The following SLC35F2 variants were observed in gnomAD, a reference collection of about 807,000 sequenced individuals.
The protein encoded by SLC35F2 is solute carrier family 35 member F2.
A neutral mutation model predicts 38.1 loss-of-function variants in SLC35F2; 25 were observed. The observed-to-expected ratio is 0.66, with a 90% CI of 0.48 to 0.92. The LOEUF (loss-of-function observed/expected upper bound fraction) is 0.92, where lower values mean the gene tolerates loss of function less well. Ranked by LOEUF, SLC35F2 falls within the 40% of genes least tolerant of loss-of-function variation. The probability of loss-of-function intolerance (pLI) is 0.00; values close to 1 mark genes in which losing one functional copy is unlikely to be tolerated. For missense variants in SLC35F2, 409 were observed against 452.9 expected (o/e 0.90, Z 0.88); for synonymous variants, 173 against 181.7 (o/e 0.95, Z 0.38).
At chr11:107,817,694 C>A (rs913428571) in intron 1 of SLC35F2, among the ~76,000 whole-genome samples, 1 of 152,030 alleles carries the variant, frequency 6.6e-6, no homozygotes, top group Non-Finnish European at 1.5e-5. Context: ...TTTACTATTT[C>A]TTCTATCTAA....
intron 3 of SLC35F2, chr11:107,811,091 T>G (rs920213410): frequency 1.0e-6 from 1 of 984,930 alleles, no homozygotes; most frequent in African/African-American, 1.7e-5. Context: ...AAACATCCCA[T>G]AGTTTGCTAA....
At chr11:107,815,107 C>T (rs180891164) in intron 2 of SLC35F2, among the ~76,000 whole-genome samples, 8 of 152,032 alleles carry the variant, frequency 5.3e-5, no homozygotes, top group Admixed American at 2.0e-4. Context: ...CTGAGCTACA[C>T]GTGCAACTGA....
At chr11:107,852,516 A>G (rs1860202422) in intron 1 of SLC35F2, among the ~76,000 whole-genome samples, 1 of 149,734 alleles carries the variant, frequency 6.7e-6, no homozygotes, top group Non-Finnish European at 1.5e-5. Flanking sequence ...GTGCTACTGC[A>G]TTCCAGCTGG....
At chr11:107,819,335 G>A (rs539908651) in intron 1 of SLC35F2, among the ~76,000 whole-genome samples, 1 of 152,282 alleles carries the variant, frequency 6.6e-6, no homozygotes, top group Non-Finnish European at 1.5e-5. Flanking sequence ...CTCTCCAAAG[G>A]GAAGGTGATG....
rs1330976754 is a variant in SLC35F2 at position 107,810,959 on chromosome 11, TA to T, written c.414+707del. 4 of 978,958 alleles carry T rather than the reference TA, an allele frequency of 4.1e-6. No individual in the cohort carries two copies. The African/African-American group carries it at 7.0e-5, about 17-fold the overall frequency. The allele number at this position is 978,958 out of a possible 1,614,324, so 60.6% of individuals were successfully genotyped here. A position where few individuals can be genotyped will look rare whatever the true frequency, so the allele number is the denominator to read the frequency against. ...CTGATACACACTTTTTTTTATTATTTAAAAAAATGAAAAAAAAGTTATAAAC... is the reference window on the plus strand; with the variant it reads ...CTGATACACACTTTTTTTTATTATTTAAAAAATGAAAAAAAAGTTATAAAC... On this transcript the variant is annotated intron_variant, in intron 3 of 7. Coordinates refer to ENST00000525815, the MANE Select transcript of SLC35F2 (RefSeq NM_017515.5).
intron 7 of SLC35F2, among the ~76,000 whole-genome samples, chr11:107,796,188 T>G (rs576490302): frequency 6.6e-6 from 1 of 152,084 alleles, no homozygotes; most frequent in African/African-American, 2.4e-5. Flanking sequence ...TAAATTAGTA[T>G]AGTAGAGCCA....
chr11:107,819,555 G>A (rs1441772100), intron 1 of SLC35F2, among the ~76,000 whole-genome samples: 1 of 152,182 alleles, frequency 6.6e-6, no homozygotes, highest in Non-Finnish European at 1.5e-5. Flanking sequence ...GTCATGGTTT[G>A]CATTGATTCG....
At chr11:107,850,563 T>C (rs1360508199) in intron 1 of SLC35F2, among the ~76,000 whole-genome samples, 1 of 152,124 alleles carries the variant, frequency 6.6e-6, no homozygotes, top group African/African-American at 2.4e-5. Context: ...GGCTCACTTC[T>C]ATAAGCCCAG....
At chr11:107,853,186 A>C (rs1467429089) in intron 1 of SLC35F2, among the ~76,000 whole-genome samples, 2 of 152,134 alleles carry the variant, frequency 1.3e-5, no homozygotes, top group East Asian at 3.8e-4. Context: ...CAGGCTTCAT[A>C]ATCACGATCA....
intron 3 of SLC35F2, among the ~76,000 whole-genome samples, chr11:107,807,642 G>A (rs539414732): frequency 9.3e-5 from 14 of 151,250 alleles, no homozygotes; most frequent in Non-Finnish European, 1.8e-4. Context: ...GTGCAATCTC[G>A]GCTCACTGCA....
At chr11:107,818,125 AAAG>A (rs1455355115) in intron 1 of SLC35F2, among the ~76,000 whole-genome samples, 5 of 148,888 alleles carry the variant, frequency 3.4e-5, no homozygotes, top group African/African-American at 7.5e-5. Context: ...AGAAAGAAAG[AAAG>A]AAAGAAAAAG....
chr11:107,802,009 C>T (rs896309075), intron 7 of SLC35F2, among the ~76,000 whole-genome samples: 3 of 152,094 alleles, frequency 2.0e-5, no homozygotes, highest in African/African-American at 7.2e-5. Context: ...GAGGCTGAGG[C>T]AGGCAGATCA....
chr11:107,816,005 A>T, intron 1 of SLC35F2, 40 bp from the exon 2 acceptor site: 1 of 1,551,956 alleles, frequency 6.4e-7, no homozygotes, highest in East Asian at 2.3e-5. Context: ...CATGCAAATA[A>T]GTTATACCTT....
chr11:107,847,248 G>A (rs1427921910), intron 1 of SLC35F2, among the ~76,000 whole-genome samples: 10 of 151,932 alleles, frequency 6.6e-5, no homozygotes, highest in African/African-American at 1.2e-4. Flanking sequence ...CAGGAGTCTC[G>A]CTTTGTTGCC....
At chr11:107,821,774 A>G (rs1254757162) in intron 1 of SLC35F2, among the ~76,000 whole-genome samples, 1 of 152,216 alleles carries the variant, frequency 6.6e-6, no homozygotes, top group Admixed American at 6.5e-5. Context: ...TCCAACTCCA[A>G]GACAAATTTC....
chr11:107,802,025 G>A (rs548525966), intron 7 of SLC35F2, among the ~76,000 whole-genome samples: 1 of 152,122 alleles, frequency 6.6e-6, no homozygotes, highest in Non-Finnish European at 1.5e-5. Context: ...GATCATCTGA[G>A]GTCAGGAGTT....
chr11:107,818,789 A>G (rs1019713701), intron 1 of SLC35F2, among the ~76,000 whole-genome samples: 8 of 152,104 alleles, frequency 5.3e-5, no homozygotes, highest in Admixed American at 1.3e-4. Context: ...TTGTTTTCAT[A>G]TGTCTCTTGA....
intron 6 of SLC35F2, 90 bp downstream of exon 6, chr11:107,804,628 T>C (rs1859365838): frequency 2.0e-6 from 2 of 983,264 alleles, no homozygotes; most frequent in African/African-American, 3.3e-5. Context: ...TACAAAGACG[T>C]CTAAATATTA....
Position 107,816,253 on chromosome 11 carries a change from T to C in SLC35F2, c.111-288A>G, listed in dbSNP as rs577475364. 1.3e-4 allele frequency: 131 copies of C among 980,996 alleles called. 1 individual carries two copies. The South Asian group carries it at 2.8e-3, about 21-fold the overall frequency. The allele number at this position is 980,996 out of a possible 1,614,324, so 60.8% of individuals were successfully genotyped here. A position where few individuals can be genotyped will look rare whatever the true frequency, so the allele number is the denominator to read the frequency against. ...TGATTACTCAGCTATAACATATACT[T>C]TGTAAAGTGCGCACGTGTGTGTGTG... On this transcript the variant is annotated intron_variant, in intron 1 of 7. Transcript: ENST00000525815.
Sources: allele counts gnomAD v4.1 joint callset (sites outside exome capture counted in the v4.1 genomes callset), GRCh38; gene constraint gnomAD v4.1.1; transcripts MANE v1.5; gene names NCBI Gene and HGNC (gene_info 2026-07-23, HGNC 2026-07-21).